The following INTU variants were observed in gnomAD, a reference collection of about 807,000 sequenced individuals.
INTU encodes the protein inturned planar cell polarity protein, also known as protein inturned.
INTU carries 68 observed loss-of-function variants against 100.5 expected under a neutral mutation model. The observed-to-expected ratio is 0.68, with a 90% CI of 0.56 to 0.83. The LOEUF is 0.83. INTU is among the 40% of genes least tolerant of loss of function. The pLI, the probability that INTU is intolerant of heterozygous loss-of-function variation, is 0.00. For missense variants in INTU, 1,071 were observed against 1,114.7 expected (o/e 0.96, Z 0.56); for synonymous variants, 357 against 395.7 (o/e 0.90, Z 1.16).
intron 2 of INTU, among the ~76,000 whole-genome samples, chr4:127,648,144 T>C (rs766487618): frequency 6.6e-6 from 1 of 152,212 alleles, no homozygotes; most frequent in Non-Finnish European, 1.5e-5. Context: ...AAATCAATCA[T>C]ATAATTCATT....
At chr4:127,688,971 C>CTTTTTTTTTTT (rs763570146) in intron 8 of INTU, among the ~76,000 whole-genome samples, 5 of 88,018 alleles carry the variant, frequency 5.7e-5, no homozygotes, top group Non-Finnish European at 9.5e-5. Flanking sequence ...TTCTTTCTTT[C>CTTTTTTTTTTT]TTTTTTTTTT....
rs1281413875 is a variant in INTU, at chr4:127,704,238, A to G, written c.1514A>G (p.Tyr505Cys). 13 of 1,609,206 alleles carry G rather than the reference A, an allele frequency of 8.1e-6. No homozygotes were observed. Among genetic ancestry groups the G allele is most frequent in the African/African-American group, 1.3e-5 (1 of 74,856 alleles). ...GAATTTTTCCCCCAGTCCGAGGATT[A>G]CTATGACATGAGGCGGCTGTATACA... ...AADFAELSED[Y>C]YDMRRLYTIL... is the part of the protein sequence containing the mutation. Residue 505 changes from tyrosine to cysteine, a missense_variant, in exon 10 of 16, where the codon TAC becomes TGC. Transcript: ENST00000335251.
rs373669445 is a variant in INTU, at chr4:127,700,049, G to T, written c.1489G>T (p.Asp497Tyr). 3 of 1,605,770 alleles carry T rather than the reference G, an allele frequency of 1.9e-6. No individual in the cohort carries two copies. The highest frequency in any genetic ancestry group is 2.7e-5 in the African/African-American group (2 of 74,344). Residue 497 changes from aspartate to tyrosine, a missense_variant, in exon 9 of 16, where the codon GAT (aspartate) becomes TAT (tyrosine). Coordinates refer to ENST00000335251, the MANE Select transcript of INTU (RefSeq NM_015693.4). Reference sequence around the variant, plus strand: ...GGCATTAAGTGACTTGGAGGCTGCAGATTTTGCAGAACTGGTAAGGGAAGG... The same window carrying T: ...GGCATTAAGTGACTTGGAGGCTGCATATTTTGCAGAACTGGTAAGGGAAGG... ...DMALSDLEAA[D>Y]FAELSEDYYD...
At chr4:127,640,169 GAAC>G (rs1046088335) in intron 1 of INTU, among the ~76,000 whole-genome samples, 2 of 152,042 alleles carry the variant, frequency 1.3e-5, no homozygotes, top group South Asian at 2.1e-4. Flanking sequence ...ACCATGTCAG[GAAC>G]AACATTATTG....
chr4:127,653,821 G>A (rs2126189452), intron 2 of INTU, among the ~76,000 whole-genome samples: 1 of 151,840 alleles, frequency 6.6e-6, no homozygotes, highest in South Asian at 2.1e-4. Flanking sequence ...TGACAGTGGG[G>A]TGTTAAAGTC....
At chr4:127,713,603 T>A (rs1407491589) in intron 14 of INTU, among the ~76,000 whole-genome samples, 1 of 152,180 alleles carries the variant, frequency 6.6e-6, no homozygotes, top group Non-Finnish European at 1.5e-5. Context: ...TTGCATATTG[T>A]CTCTTCCCTG....
At position 127,676,279 on chromosome 4, in the gene INTU, G is replaced by A. The variant is rs368073049; in HGVS notation, c.1181+2066G>A. Among the ~76,000 whole-genome samples the A allele has an allele frequency of 1.3e-4, 20 of 152,104 alleles. 1 individual carries two copies. The South Asian group carries it at 4.2e-3, about 32-fold the overall frequency. ...TTGGGTTTGGATTATGAAGAACGAA[G>A]GAGTTGTTTAGAAAGTATGGCTCTA... On this transcript the variant is annotated intron_variant, in intron 6 of 15. Coordinates refer to ENST00000335251, the MANE Select transcript of INTU (RefSeq NM_015693.4).
intron 8 of INTU, among the ~76,000 whole-genome samples, chr4:127,694,826 G>C (rs1029784669): frequency 3.3e-5 from 5 of 152,162 alleles, no homozygotes; most frequent in Non-Finnish European, 7.3e-5. Flanking sequence ...CAGTATTTAT[G>C]TGAGTATATT....
chr4:127,691,167 T>G (rs985784340), intron 8 of INTU, among the ~76,000 whole-genome samples: 2 of 152,200 alleles, frequency 1.3e-5, no homozygotes, highest in African/African-American at 4.8e-5. Context: ...AGTTCCTCTT[T>G]GTCTTTTTAC....
intron 6 of INTU, among the ~76,000 whole-genome samples, chr4:127,677,357 G>A (rs1233368189): frequency 2.0e-5 from 3 of 150,960 alleles, no homozygotes; most frequent in Non-Finnish European, 4.4e-5. Context: ...CCCCCCAGTA[G>A]GGGCAGACTG....
At chr4:127,642,485 A>C (rs1474067145) in intron 1 of INTU, among the ~76,000 whole-genome samples, 1 of 152,202 alleles carries the variant, frequency 6.6e-6, no homozygotes, top group Non-Finnish European at 1.5e-5. Flanking sequence ...TTTGACTTTT[A>C]AGTTAAGAGA....
intron 8 of INTU, among the ~76,000 whole-genome samples, chr4:127,691,294 C>A (rs1385827810): frequency 6.6e-6 from 1 of 152,078 alleles, no homozygotes; most frequent in African/African-American, 2.4e-5. Context: ...GCAATTAATT[C>A]TTGGTCAAAT....
chr4:127,636,021 T>C (rs755019876), intron 1 of INTU, among the ~76,000 whole-genome samples: 93 of 152,250 alleles, frequency 6.1e-4, no homozygotes, highest in Non-Finnish European at 9.7e-4. Context: ...GTAATCCTGC[T>C]TTTGGGAGCC....
At chr4:127,707,912 G>A (rs1283040513) in intron 12 of INTU, among the ~76,000 whole-genome samples, 1 of 152,128 alleles carries the variant, frequency 6.6e-6, no homozygotes, top group East Asian at 1.9e-4. Context: ...GTGGATGGAG[G>A]TGACACCAGA....
chr4:127,690,679 T>TA (rs1226385111), intron 8 of INTU, among the ~76,000 whole-genome samples: 1 of 152,228 alleles, frequency 6.6e-6, no homozygotes, highest in Non-Finnish European at 1.5e-5. Context: ...AAGTTTTTTT[T>TA]ATTCTATTTT....
At chr4:127,699,652 T>A (rs1008910247) in intron 8 of INTU, among the ~76,000 whole-genome samples, 1 of 152,240 alleles carries the variant, frequency 6.6e-6, no homozygotes, top group Non-Finnish European at 1.5e-5. Context: ...AAGGGTTAAA[T>A]TAATTTCTAA....
intron 1 of INTU, among the ~76,000 whole-genome samples, chr4:127,637,191 G>T (rs530883876): frequency 3.3e-5 from 5 of 152,270 alleles, no homozygotes; most frequent in Admixed American, 3.3e-4. Context: ...CCATGCACCA[G>T]TGGAGTTGCC....
chr4:127,693,389 A>G (rs963533693), intron 8 of INTU, among the ~76,000 whole-genome samples: 3 of 152,148 alleles, frequency 2.0e-5, no homozygotes, highest in African/African-American at 7.2e-5. Context: ...CTTTTGGTGT[A>G]CAGCAGAGCT....
chr4:127,696,566 T>G (rs1730395343), intron 8 of INTU, among the ~76,000 whole-genome samples: 1 of 151,836 alleles, frequency 6.6e-6, no homozygotes, highest in South Asian at 2.1e-4. Flanking sequence ...TTGTGTCCTC[T>G]CTATTTTTAT....
Sources: allele counts gnomAD v4.1 joint callset (sites outside exome capture counted in the v4.1 genomes callset), GRCh38; gene constraint gnomAD v4.1.1; transcripts MANE v1.5; gene names NCBI Gene and HGNC (gene_info 2026-07-23, HGNC 2026-07-21).